The following TMEM266 variants were observed in gnomAD, a reference collection of about 807,000 sequenced individuals.
The protein encoded by TMEM266 is transmembrane protein 266.
A neutral mutation model predicts 50.5 loss-of-function variants in TMEM266; 33 were observed. The ratio of observed to expected loss-of-function variants is 0.65; its 90% confidence interval spans 0.50 to 0.87. TMEM266 has a LOEUF of 0.87. TMEM266 is among the 40% of genes least tolerant of loss of function. TMEM266 has a pLI of 0.00. For synonymous variants in TMEM266, 310 were observed against 292.3 expected (o/e 1.06, Z -0.62); for missense variants, 655 against 695.1 (o/e 0.94, Z 0.65).
At position 76,066,054 on chromosome 15, in the gene TMEM266, A is replaced by G. The variant is rs368335213; in HGVS notation, c.-97+6038A>G. On this transcript the variant is annotated intron_variant, in intron 1 of 10. Transcript: ENST00000388942. ...CATGGAGCCTGTCTCTCTCAGACAGAGTATGAATTACTTAAGGGCACCAGC... is the reference window on the plus strand; with the variant it reads ...CATGGAGCCTGTCTCTCTCAGACAGGGTATGAATTACTTAAGGGCACCAGC... Among the ~76,000 whole-genome samples the G allele has an allele frequency of 1.4e-4, 21 of 152,362 alleles. No individual in the cohort carries two copies. In the East Asian group the frequency reaches 2.1e-3, roughly 15 times the overall value.
chr15:76,112,509 A>T (rs1567154993), intron 1 of TMEM266: 1 of 152,210 alleles, frequency 6.6e-6, no homozygotes, highest in Non-Finnish European at 1.5e-5. Context: ...AGAGAAGATC[A>T]GTTGCTGGAC....
intron 1 of TMEM266, among the ~76,000 whole-genome samples, chr15:76,129,702 A>G (rs1181376977): frequency 2.0e-5 from 3 of 152,054 alleles, no homozygotes; most frequent in Admixed American, 2.0e-4. Flanking sequence ...TATAATCACC[A>G]TAATCCAGAC....
chr15:76,105,981 G>A (rs758628529), intron 1 of TMEM266, among the ~76,000 whole-genome samples: 3 of 152,148 alleles, frequency 2.0e-5, no homozygotes, highest in Admixed American at 1.3e-4. Context: ...ATCAAAGGTG[G>A]CCTCACGTTC....
At chr15:76,147,534 C>T (rs933609047) in intron 3 of TMEM266, among the ~76,000 whole-genome samples, 1 of 152,202 alleles carries the variant, frequency 6.6e-6, no homozygotes, top group Non-Finnish European at 1.5e-5. Flanking sequence ...TCTAGCAAGT[C>T]AGCTGTCCCT....
intron 3 of TMEM266, among the ~76,000 whole-genome samples, chr15:76,150,811 CCT>C (rs912786762): frequency 6.6e-5 from 10 of 152,240 alleles, no homozygotes; most frequent in African/African-American, 2.2e-4. Flanking sequence ...CCAGGTCACC[CCT>C]GTGGCTTTAT....
At chr15:76,166,077 T>C (rs1004195492) in intron 5 of TMEM266, among the ~76,000 whole-genome samples, 4 of 152,162 alleles carry the variant, frequency 2.6e-5, no homozygotes, top group Non-Finnish European at 5.9e-5. Flanking sequence ...TGGCTGCACA[T>C]TGAGAAGCAC....
intron 1 of TMEM266, among the ~76,000 whole-genome samples, chr15:76,100,979 T>C (rs949054951): frequency 6.6e-6 from 1 of 152,132 alleles, no homozygotes; most frequent in Non-Finnish European, 1.5e-5. Flanking sequence ...CAAAGCAATA[T>C]GTGTTCAATG....
At chr15:76,131,244 G>A (rs1383719159) in intron 1 of TMEM266, among the ~76,000 whole-genome samples, 1 of 152,206 alleles carries the variant, frequency 6.6e-6, no homozygotes, top group Non-Finnish European at 1.5e-5. Context: ...GCAGGCACCT[G>A]TAATCCCAGC....
Position 76,171,158 on chromosome 15 carries a change from A to C in TMEM266, c.652+27A>C, listed in dbSNP as rs779934789. 8 of 1,609,118 alleles carry C rather than the reference A, an allele frequency of 5.0e-6. No homozygotes were observed. The East Asian group carries it at 1.8e-4, about 36-fold the overall frequency. On this transcript the variant is annotated intron_variant, in intron 7 of 10. Transcript: ENST00000388942. ...TGAGTGGCCCGAGGGGGGTGTGGTC[A>C]GTGGGGCTGCTCCAGAAAGTGGGGC...
At chr15:76,177,324 A>G (rs1352164662) in intron 8 of TMEM266, among the ~76,000 whole-genome samples, 2 of 152,206 alleles carry the variant, frequency 1.3e-5, no homozygotes, top group African/African-American at 2.4e-5. Context: ...GGGTCTTGGT[A>G]AATGTGTATT....
intron 1 of TMEM266, among the ~76,000 whole-genome samples, chr15:76,079,625 T>C (rs1306996671): frequency 1.3e-5 from 2 of 149,720 alleles, no homozygotes; most frequent in African/African-American, 4.9e-5. Context: ...CCATCTCTAC[T>C]AAAAATACAA....
At chr15:76,075,384 T>C (rs922907565) in intron 1 of TMEM266, among the ~76,000 whole-genome samples, 4 of 152,096 alleles carry the variant, frequency 2.6e-5, no homozygotes, top group African/African-American at 9.7e-5. Context: ...GATGGTGTGG[T>C]CTCCTGAAAG....
chr15:76,176,760 G>A (rs1036580080), intron 8 of TMEM266, among the ~76,000 whole-genome samples: 4 of 152,204 alleles, frequency 2.6e-5, no homozygotes, highest in Non-Finnish European at 4.4e-5. Flanking sequence ...CTTGCAGTGC[G>A]GTGAGGATGG....
chr15:76,134,554 G>C (rs1453281215), intron 2 of TMEM266, among the ~76,000 whole-genome samples: 1 of 152,186 alleles, frequency 6.6e-6, no homozygotes, highest in Non-Finnish European at 1.5e-5. Flanking sequence ...ATGAAACCCG[G>C]GGCAGAATTC....
chr15:76,145,039 A>G (rs1420836939), intron 3 of TMEM266, among the ~76,000 whole-genome samples: 1 of 152,174 alleles, frequency 6.6e-6, no homozygotes, highest in Non-Finnish European at 1.5e-5. Context: ...CAGAAAACCC[A>G]TCTCACACTC....
At chr15:76,121,457 C>T (rs1039722100) in intron 1 of TMEM266, among the ~76,000 whole-genome samples, 28 of 152,076 alleles carry the variant, frequency 1.8e-4, no homozygotes, top group African/African-American at 6.5e-4. Context: ...CACTCTGTCA[C>T]CCAGGCTGGA....
At chr15:76,118,756 T>C (rs80052521) in intron 1 of TMEM266, among the ~76,000 whole-genome samples, 1 of 152,078 alleles carries the variant, frequency 6.6e-6, no homozygotes, top group East Asian at 1.9e-4. Context: ...TTGGAAGAAA[T>C]GATGTTGGTT....
At chr15:76,091,383 T>C (rs534457855) in intron 1 of TMEM266, among the ~76,000 whole-genome samples, 1 of 150,818 alleles carries the variant, frequency 6.6e-6, no homozygotes, top group East Asian at 1.9e-4. Context: ...GAGTAATGTG[T>C]CTTAAATTGA....
At chr15:76,101,452 C>T (rs2036998012) in intron 1 of TMEM266, among the ~76,000 whole-genome samples, 1 of 152,196 alleles carries the variant, frequency 6.6e-6, no homozygotes, top group Non-Finnish European at 1.5e-5. Flanking sequence ...CACTGTTATC[C>T]AGGCAGTGCC....
Sources: allele counts gnomAD v4.1 joint callset (sites outside exome capture counted in the v4.1 genomes callset), GRCh38; gene constraint gnomAD v4.1.1; transcripts MANE v1.5; gene names NCBI Gene and HGNC (gene_info 2026-07-23, HGNC 2026-07-21).